NRXN1: variants seen among roughly 807,000 people sequenced by gnomAD.
NRXN1 encodes the protein neurexin-1.
In NRXN1, 39 loss-of-function variants were observed where a neutral mutation model predicts 150.9. The ratio of observed to expected loss-of-function variants is 0.26; its 90% CI spans 0.20 to 0.34. NRXN1 has a LOEUF of 0.34. Among genes scored for constraint, NRXN1 ranks in the 10% least tolerant of loss-of-function variants. The pLI, the probability that NRXN1 is intolerant of heterozygous loss-of-function variation, is 1.00. For missense variants in NRXN1, 1,815 were observed against 1,949.9 expected (o/e 0.93, Z 1.30); for synonymous variants, 924 against 757.0 (o/e 1.22, Z -3.62).
chr2:50,427,934 G>A (rs2084637247), intron 17 of NRXN1, among the ~76,000 whole-genome samples: 1 of 152,102 alleles, frequency 6.6e-6, no homozygotes, highest in South Asian at 2.1e-4. Context: ...TCTGAAAAAT[G>A]GATACAAAGA....
At chr2:50,204,342 G>A (rs1171499081) in intron 18 of NRXN1, among the ~76,000 whole-genome samples, 4 of 16,682 alleles carry the variant, frequency 2.4e-4, no homozygotes, top group East Asian at 2.0e-3. Context: ...AAGAAATACC[G>A]TGTGTGTGTG....
intron 5 of NRXN1, among the ~76,000 whole-genome samples, chr2:50,793,044 T>C (rs1438102634): frequency 6.6e-6 from 1 of 152,080 alleles, no homozygotes; most frequent in East Asian, 1.9e-4. Flanking sequence ...AAATTAAATA[T>C]TGGCATTAGT....
At chr2:51,031,109 C>G (rs1168678974) in intron 1 of NRXN1, among the ~76,000 whole-genome samples, 1 of 151,836 alleles carries the variant, frequency 6.6e-6, no homozygotes. Context: ...TTTCCCAGTT[C>G]TTGGAGGAAG....
At chr2:50,847,337 G>C (rs896982792) in intron 5 of NRXN1, among the ~76,000 whole-genome samples, 3 of 152,158 alleles carry the variant, frequency 2.0e-5, no homozygotes, top group African/African-American at 7.2e-5. Context: ...GGCGTTTAGA[G>C]GGATATATCA....
chr2:50,873,403 T>G (rs1005719414), intron 5 of NRXN1, among the ~76,000 whole-genome samples: 2 of 151,894 alleles, frequency 1.3e-5, no homozygotes, highest in Non-Finnish European at 2.9e-5. Flanking sequence ...AAGAATTTCA[T>G]GATTATAACA....
intron 8 of NRXN1, among the ~76,000 whole-genome samples, chr2:50,574,350 A>T (rs868565508): frequency 3.3e-5 from 5 of 152,160 alleles, no homozygotes; most frequent in Non-Finnish European, 5.9e-5. Context: ...TAAAAAAAAA[A>T]AATCTGAATT....
chr2:50,335,493 GTTT>G (rs1278356059), intron 17 of NRXN1, among the ~76,000 whole-genome samples: 1 of 152,102 alleles, frequency 6.6e-6, no homozygotes, highest in Non-Finnish European at 1.5e-5. Context: ...ATTTTCCTAA[GTTT>G]TTCCTCGTCA....
chr2:50,103,431 C>T (rs1701233951), intron 18 of NRXN1, among the ~76,000 whole-genome samples: 1 of 152,016 alleles, frequency 6.6e-6, no homozygotes, highest in South Asian at 2.1e-4. Flanking sequence ...ACCCTTGACC[C>T]TTTCACCTTC....
chr2:50,699,137 C>T (rs923316091), intron 5 of NRXN1, among the ~76,000 whole-genome samples: 1 of 152,066 alleles, frequency 6.6e-6, no homozygotes, highest in Non-Finnish European at 1.5e-5. Flanking sequence ...AGGATCTAGC[C>T]TCCAACAAAC....
rs762031339 is a variant in NRXN1 at position 50,506,479 on chromosome 2, G to C, written c.2497+16C>G. The C allele has an allele frequency of 1.9e-6, 3 of 1,609,648 alleles. No homozygotes were observed. The highest frequency in any genetic ancestry group is 1.1e-5 in the South Asian group (1 of 90,552). The stretch of plus-strand genomic sequence containing the variant: ...AGCGTTAGCATAGGAAAAGACAATG[G>C]GACAGAGGTGTTTACCTGTCATGGC... On this transcript the variant is annotated intron_variant, in intron 13 of 22. Transcript: ENST00000401669.
chr2:50,719,593 T>C (rs1379594649), intron 5 of NRXN1, among the ~76,000 whole-genome samples: 1 of 152,058 alleles, frequency 6.6e-6, no homozygotes, highest in Non-Finnish European at 1.5e-5. Context: ...GGAGAATCGC[T>C]TGAACCGGGG....
chr2:50,855,576 T>G (rs1307757968), intron 5 of NRXN1, among the ~76,000 whole-genome samples: 4 of 152,024 alleles, frequency 2.6e-5, no homozygotes, highest in African/African-American at 9.7e-5. Flanking sequence ...GAGAAATGAC[T>G]AACCCAGTAA....
chr2:50,063,545 CAG>C (rs1313777378), intron 19 of NRXN1, among the ~76,000 whole-genome samples: 61 of 131,916 alleles, frequency 4.6e-4, no homozygotes, highest in African/African-American at 1.8e-3. Flanking sequence ...CCCACCTCAA[CAG>C]ACACACACAC....
chr2:50,973,929 G>C (rs767437938), intron 2 of NRXN1, among the ~76,000 whole-genome samples: 1 of 151,968 alleles, frequency 6.6e-6, no homozygotes, highest in Non-Finnish European at 1.5e-5. Flanking sequence ...AAAAACTATG[G>C]CATGTAATGT....
chr2:49,944,714 A>G (rs1672583295), intron 21 of NRXN1, among the ~76,000 whole-genome samples: 1 of 152,210 alleles, frequency 6.6e-6, no homozygotes, highest in South Asian at 2.1e-4. Context: ...GGCTCTGCTA[A>G]GGTAAAACAG....
intron 2 of NRXN1, among the ~76,000 whole-genome samples, chr2:50,958,286 C>T (rs540549094): frequency 2.1e-3 from 314 of 152,112 alleles, no homozygotes; most frequent in African/African-American, 7.0e-3. Context: ...TCTGTGTACC[C>T]AGTAGAATTC....
intron 19 of NRXN1, among the ~76,000 whole-genome samples, chr2:50,085,040 T>C (rs1486687630): frequency 6.6e-6 from 1 of 152,220 alleles, no homozygotes; most frequent in African/African-American, 2.4e-5. Flanking sequence ...TTTTAGACAC[T>C]TGTTTAATTT....
At chr2:50,390,724 C>T (rs1215510347) in intron 17 of NRXN1, among the ~76,000 whole-genome samples, 1 of 151,944 alleles carries the variant, frequency 6.6e-6, no homozygotes, top group Non-Finnish European at 1.5e-5. Context: ...CCCCCTCTTG[C>T]TCTCTTGTGC....
At chr2:50,405,009 C>CA (rs1414927562) in intron 17 of NRXN1, among the ~76,000 whole-genome samples, 1 of 152,094 alleles carries the variant, frequency 6.6e-6, no homozygotes, top group African/African-American at 2.4e-5. Context: ...ACACCCTTGA[C>CA]AAACGTTCTG....
Sources: allele counts gnomAD v4.1 joint callset (sites outside exome capture counted in the v4.1 genomes callset), GRCh38; gene constraint gnomAD v4.1.1; transcripts MANE v1.5; gene names NCBI Gene and HGNC (gene_info 2026-07-23, HGNC 2026-07-21).